TJP2: variants seen among roughly 807,000 people sequenced by gnomAD.
TJP2 encodes tight junction protein 2.
TJP2 carries 91 observed loss-of-function variants against 133.1 expected under a neutral mutation model. The observed-to-expected ratio is 0.68, with a 90% CI of 0.58 to 0.81. TJP2 has a LOEUF of 0.81. TJP2 is among the 40% of genes least tolerant of loss of function. The pLI is 0.00. For missense variants in TJP2, 1,541 were observed against 1,565.6 expected (o/e 0.98, Z 0.26); for synonymous variants, 592 against 583.4 (o/e 1.01, Z -0.21).
chr9:69,210,793 A>G (rs1024064366), intron 1 of TJP2, among the ~76,000 whole-genome samples: 9 of 130,568 alleles, frequency 6.9e-5, no homozygotes, highest in South Asian at 4.7e-4. Context: ...GGGTCTCACT[A>G]TGTTGCTCAG....
At chr9:69,219,073 G>A (rs1402201778) in intron 4 of TJP2, among the ~76,000 whole-genome samples, 3 of 151,708 alleles carry the variant, frequency 2.0e-5, no homozygotes, top group African/African-American at 4.8e-5. Flanking sequence ...GGGTTCAAGC[G>A]ATTCTCCTGC....
chr9:69,131,014 G>A (rs1162835002), intron 1 of TJP2, among the ~76,000 whole-genome samples: 1 of 152,198 alleles, frequency 6.6e-6, no homozygotes, highest in African/African-American at 2.4e-5. Flanking sequence ...TGTGCTGCTT[G>A]TGGCCACAGA....
chr9:69,165,137 TTC>T (rs1824281638), intron 2 of TJP2, among the ~76,000 whole-genome samples: 1 of 152,056 alleles, frequency 6.6e-6, no homozygotes, highest in South Asian at 2.1e-4. Flanking sequence ...GCTGGATTCT[TTC>T]TTTTTTTGAG....
intron 1 of TJP2, among the ~76,000 whole-genome samples, chr9:69,205,860 G>T (rs758121667): frequency 1.2e-4 from 19 of 152,146 alleles, no homozygotes; most frequent in Non-Finnish European, 2.8e-4. Flanking sequence ...GGGACTTTGG[G>T]CAGTGAACAC....
At chr9:69,167,004 G>A (rs933178267) in intron 2 of TJP2, among the ~76,000 whole-genome samples, 24 of 151,780 alleles carry the variant, frequency 1.6e-4, no homozygotes, top group African/African-American at 4.6e-4. Context: ...AGGCCAAGAC[G>A]GGAGAATCAC....
intron 9 of TJP2, among the ~76,000 whole-genome samples, chr9:69,228,819 C>G (rs957595007): frequency 1.3e-5 from 2 of 152,072 alleles, no homozygotes; most frequent in Admixed American, 1.3e-4. Flanking sequence ...CATCCTTGAT[C>G]CTGACCTCTT....
Position 69,226,046 on chromosome 9 carries a change from A to T in TJP2, c.1081A>T (p.Met361Leu). 1 of 1,614,194 alleles carries T rather than the reference A, an allele frequency of 6.2e-7. No homozygotes were observed. The highest frequency in any genetic ancestry group is 1.1e-5 in the South Asian group (1 of 91,086). ...GATCAATGGGACTGTAACTGAGAAC[A>T]TGTCTTTAACGGATGCTCGAAAATT... ...LKINGTVTENMSLTDARKLIE... is the reference protein window; with the variant it reads ...LKINGTVTENLSLTDARKLIE... Residue 361 changes from methionine to leucine, a missense_variant, in exon 7 of 23, where the codon ATG becomes TTG. Physicochemically the swap from Met to Leu is conservative, Grantham distance 15 (BLOSUM62 2). Transcript: ENST00000377245.
intron 1 of TJP2, among the ~76,000 whole-genome samples, chr9:69,195,398 TA>T (rs1173972902): frequency 6.6e-6 from 1 of 151,574 alleles, no homozygotes; most frequent in Non-Finnish European, 1.5e-5. Flanking sequence ...ATAGAGGTCT[TA>T]AATGTAACTA....
chr9:69,208,426 A>C (rs1827603105), intron 1 of TJP2, among the ~76,000 whole-genome samples: 1 of 152,202 alleles, frequency 6.6e-6, no homozygotes, highest in Non-Finnish European at 1.5e-5. Flanking sequence ...TCTCTCTGAC[A>C]AATTTAATTT....
chr9:69,253,062 T>C, intron 22 of TJP2, 162 bp downstream of exon 22: 3 of 676,240 alleles, frequency 4.4e-6, no homozygotes, highest in Non-Finnish European at 7.7e-6. Context: ...ATTGTAAAGA[T>C]TACAGAGTCA....
chr9:69,160,690 A>C (rs1216574359), intron 2 of TJP2, among the ~76,000 whole-genome samples: 1 of 152,238 alleles, frequency 6.6e-6, no homozygotes, highest in Non-Finnish European at 1.5e-5. Flanking sequence ...AAGGCTGGGC[A>C]ATTTACAAAA....
intron 1 of TJP2, chr9:69,204,694 C>A: frequency 2.4e-6 from 1 of 423,924 alleles, no homozygotes. Flanking sequence ...TAACATTAGC[C>A]ATTCAGTTGA....
At chr9:69,178,419 A>G (rs1024714294) in intron 1 of TJP2, among the ~76,000 whole-genome samples, 1 of 152,202 alleles carries the variant, frequency 6.6e-6, no homozygotes, top group Admixed American at 6.5e-5. Flanking sequence ...AAAATTATCA[A>G]CTCTGGGAAT....
intron 1 of TJP2, among the ~76,000 whole-genome samples, chr9:69,211,269 G>A (rs769129217): frequency 2.0e-5 from 3 of 152,162 alleles, no homozygotes; most frequent in African/African-American, 4.8e-5. Flanking sequence ...CCTGGGAGGC[G>A]GAGGTTGCAG....
intron 1 of TJP2, among the ~76,000 whole-genome samples, chr9:69,135,375 G>T (rs1433056455): frequency 2.0e-5 from 3 of 152,070 alleles, no homozygotes; most frequent in African/African-American, 7.2e-5. Context: ...TAAGTGATTT[G>T]CTAATTAAGT....
chr9:69,190,134 T>G (rs913852415), intron 1 of TJP2, among the ~76,000 whole-genome samples: 35 of 151,904 alleles, frequency 2.3e-4, no homozygotes, highest in African/African-American at 8.2e-4. Flanking sequence ...CAAACAAACT[T>G]CTCCTGTAGC....
chr9:69,227,079 A>G (rs987396142), intron 7 of TJP2, among the ~76,000 whole-genome samples: 3 of 152,184 alleles, frequency 2.0e-5, no homozygotes, highest in Non-Finnish European at 4.4e-5. Context: ...TTATGCAGAG[A>G]AGTTTAGAAA....
intron 1 of TJP2, among the ~76,000 whole-genome samples, chr9:69,136,038 C>T (rs1347300947): frequency 1.3e-5 from 2 of 152,136 alleles, no homozygotes; most frequent in Admixed American, 1.3e-4. Context: ...ACTATGACAT[C>T]ATACCTACCT....
chr9:69,184,981 C>T (rs1370606845), intron 1 of TJP2, among the ~76,000 whole-genome samples: 1 of 152,020 alleles, frequency 6.6e-6, no homozygotes, highest in African/African-American at 2.4e-5. Context: ...AACTCCTGGG[C>T]TCAGGCGATC....
Sources: gnomAD v4.1 joint callset for allele counts (sites outside exome capture counted in the v4.1 genomes callset) on GRCh38, gnomAD v4.1.1 for gene constraint, MANE v1.5 for transcripts, NCBI Gene and HGNC (gene_info 2026-07-23, HGNC 2026-07-21) for gene names.